Variants in HSPA4L observed in about 807,000 individuals in gnomAD.
HSPA4L encodes heat shock protein family A (Hsp70) member 4 like.
In HSPA4L, 48 loss-of-function variants were observed where a neutral mutation model predicts 100.3. The ratio of observed to expected loss-of-function variants is 0.48; its 90% confidence interval spans 0.38 to 0.61. HSPA4L has a LOEUF of 0.61. Ranked by LOEUF, HSPA4L falls within the 20% of genes least tolerant of loss-of-function variation. The pLI is 0.00. For synonymous variants in HSPA4L, 319 were observed against 328.2 expected, an observed-to-expected ratio of 0.97 and a Z score of 0.30; for missense variants, 886 against 988.6, an observed-to-expected ratio of 0.90 and a Z score of 1.39.
intron 1 of HSPA4L, among the ~76,000 whole-genome samples, chr4:127,787,256 G>C (rs969845759): frequency 5.3e-5 from 8 of 152,168 alleles, no homozygotes; most frequent in Non-Finnish European, 1.0e-4. Context: ...AAATCGGGGG[G>C]TTAACTGTGG....
Position 127,788,801 on chromosome 4 carries a change from A to C in HSPA4L, c.108-5276A>C, listed in dbSNP as rs1456073935. 2.0e-5 allele frequency among the ~76,000 whole-genome samples: 3 copies of C among 152,216 alleles called. No homozygotes were observed. The East Asian group carries it at 5.8e-4, about 29-fold the overall frequency. ...CAGTACAGCCCCAGTGACCCAACAA[A>C]GAATTATCTGGGCCAAGATGTCAGT... is the stretch of plus-strand genomic sequence containing the variant. On this transcript the variant is annotated intron_variant, in intron 1 of 18. Transcript: ENST00000296464.
chr4:127,782,730 T>A (rs1732599029), intron 1 of HSPA4L, 73 bp downstream of exon 1: 2 of 1,085,268 alleles, frequency 1.8e-6, no homozygotes, highest in Non-Finnish European at 2.6e-6. Context: ...GTTTGTCCTG[T>A]CTGCTCGCTT....
chr4:127,810,496 G>A (rs1733495606), intron 11 of HSPA4L, among the ~76,000 whole-genome samples: 1 of 152,164 alleles, frequency 6.6e-6, no homozygotes, highest in South Asian at 2.1e-4. Context: ...GGTGGCTCAT[G>A]CCTGTAATCC....
intron 17 of HSPA4L, among the ~76,000 whole-genome samples, chr4:127,828,210 G>A (rs768648590): frequency 8.5e-5 from 13 of 152,064 alleles, no homozygotes; most frequent in Non-Finnish European, 1.3e-4. Context: ...GGATTTAGCC[G>A]ATGGGACAAG....
chr4:127,803,259 T>A (rs1198416721), intron 6 of HSPA4L, among the ~76,000 whole-genome samples: 1 of 152,214 alleles, frequency 6.6e-6, no homozygotes, highest in Non-Finnish European at 1.5e-5. Flanking sequence ...GTTTTGCTCA[T>A]GTTTATATGC....
chr4:127,836,875 T>C lies in HSPA4L; in HGVS notation c.*4001T>C, dbSNP rs931042665. The C allele has an allele frequency of 4.6e-5, 7 of 152,180 alleles. No individual in the cohort carries two copies. Among genetic ancestry groups the C allele is most frequent in the African/African-American group, 1.7e-4 (7 of 41,446 alleles). The allele number at this position is 152,180 out of a possible 1,614,324, so 9.4% of individuals were successfully genotyped here. On this transcript the variant is annotated 3_prime_UTR_variant, in exon 19 of 19. Coordinates refer to ENST00000296464, the MANE Select transcript of HSPA4L (RefSeq NM_014278.4). ...GTCATTGCATTAATTTTACAAATTA[T>C]AGATTTAGAAATGATTCTTAAGTTA... is the stretch of plus-strand genomic sequence containing the variant.
At chr4:127,825,737 T>C (rs995507937) in intron 16 of HSPA4L, among the ~76,000 whole-genome samples, 1 of 151,776 alleles carries the variant, frequency 6.6e-6, no homozygotes. Flanking sequence ...CCAGCCTGGC[T>C]AACATGGTGA....
intron 12 of HSPA4L, among the ~76,000 whole-genome samples, chr4:127,815,003 T>C (rs913748460): frequency 1.3e-5 from 2 of 152,208 alleles, no homozygotes; most frequent in African/African-American, 4.8e-5. Flanking sequence ...TGGAAGCTAA[T>C]TGTTTAAATT....
rs1167818471 is a variant in HSPA4L, at chr4:127,834,532, T to C, written c.*1658T>C. ...GCATTAAAAAATCATATAAACTTAA[T>C]ATATTTTTAAACTCTCCTAGTCTTT... On this transcript the variant is annotated 3_prime_UTR_variant, in exon 19 of 19. Transcript: ENST00000296464. The C allele has an allele frequency of 6.6e-6, 1 of 152,172 alleles. No individual in the cohort carries two copies. The highest frequency in any genetic ancestry group is 1.5e-5 in the Non-Finnish European group (1 of 68,006). The allele number at this position is 152,172 out of a possible 1,614,324, so 9.4% of individuals were successfully genotyped here. A position where few individuals can be genotyped will look rare whatever the true frequency, so the allele number is the denominator to read the frequency against.
At chr4:127,809,330 G>C in intron 11 of HSPA4L, 8 of 1,157,982 alleles carry the variant, frequency 6.9e-6, no homozygotes, top group Non-Finnish European at 1.0e-5. Context: ...AGGACTTCTG[G>C]GATCACGCTG....
intron 12 of HSPA4L, among the ~76,000 whole-genome samples, chr4:127,814,438 C>A (rs1267572459): frequency 1.3e-5 from 2 of 151,780 alleles, no homozygotes; most frequent in Non-Finnish European, 1.5e-5. Context: ...AGCCACCATG[C>A]CCAGCCTAAA....
At chr4:127,796,943 TA>T (rs889067620) in intron 3 of HSPA4L, among the ~76,000 whole-genome samples, 1 of 152,204 alleles carries the variant, frequency 6.6e-6, no homozygotes, top group African/African-American at 2.4e-5. Context: ...AGGATAAACT[TA>T]ATGCTGTGCA....
intron 8 of HSPA4L, 127 bp from the exon 9 acceptor site, chr4:127,804,946 G>A (rs1279916429): frequency 2.4e-5 from 14 of 588,072 alleles, no homozygotes; most frequent in South Asian, 1.9e-4. Context: ...TCTAAAAATT[G>A]TATTTTTCTT....
In HSPA4L at chr4:127,786,678, G is replaced by T. The variant is rs138652659; in HGVS notation, c.107+4021G>T. On this transcript the variant is annotated intron_variant, in intron 1 of 18. Transcript: ENST00000296464. ...GACAAGGTCTTGCCATATTGCCTAG[G>T]CTAGTCTCGAACTCCTGGCCTCAAG... 5.8e-4 allele frequency among the ~76,000 whole-genome samples: 89 copies of T among 152,254 alleles called. 1 individual carries two copies. The East Asian group carries it at 0.014, about 24-fold the overall frequency.
intron 5 of HSPA4L, among the ~76,000 whole-genome samples, chr4:127,801,579 C>G (rs1435465233): frequency 1.3e-5 from 2 of 150,942 alleles, no homozygotes; most frequent in Non-Finnish European, 2.9e-5. Context: ...AATGGCTTTA[C>G]AAATCTTTAC....
At chr4:127,831,517 A>G (rs1056202087) in intron 18 of HSPA4L, among the ~76,000 whole-genome samples, 3 of 151,514 alleles carry the variant, frequency 2.0e-5, no homozygotes, top group African/African-American at 7.3e-5. Flanking sequence ...AAAAAAAAAA[A>G]AAAAAAGGAA....
intron 18 of HSPA4L, among the ~76,000 whole-genome samples, chr4:127,831,962 AATGAG>A (rs1211254007): frequency 1.3e-5 from 2 of 152,112 alleles, no homozygotes; most frequent in South Asian, 2.1e-4. Context: ...TTTTACTCCT[AATGAG>A]ATGAGATGAG....
Position 127,840,544 on chromosome 4 carries a change from C to CACAA in HSPA4L, c.*7674_*7677dup, listed in dbSNP as rs1016034799. The CACAA allele has an allele frequency of 1.3e-5, 2 of 152,138 alleles. No homozygotes were observed. The highest frequency in any genetic ancestry group is 2.9e-5 in the Non-Finnish European group (2 of 68,022). 9.4% of individuals were successfully genotyped at this position (152,138 alleles called of 1,614,324 possible). A position where few individuals can be genotyped will look rare whatever the true frequency, so the allele number is the denominator to read the frequency against. On this transcript the variant is annotated 3_prime_UTR_variant, in exon 19 of 19. Coordinates refer to ENST00000296464, the MANE Select transcript of HSPA4L (RefSeq NM_014278.4). ...GAATATGTATTTGTCAATTTTAGTT[C>CACAA]ACAAACATATCCATAAGAATGTTTA...
In HSPA4L at chr4:127,807,718, C is replaced by A. The variant is rs961071569; in HGVS notation, c.1245-278C>A. Among the ~76,000 whole-genome samples the A allele has an allele frequency of 1.2e-4, 19 of 152,096 alleles. No individual in the cohort carries two copies. The East Asian group carries it at 2.3e-3, about 19-fold the overall frequency. On this transcript the variant is annotated intron_variant, in intron 10 of 18. Coordinates refer to ENST00000296464, the MANE Select transcript of HSPA4L (RefSeq NM_014278.4). ...GGCCCTCATATGTGAGGGAAAAAAA[C>A]CATACACATTGGCCTTAAAATATAC...
Sources: gnomAD v4.1 joint callset for allele counts (sites outside exome capture counted in the v4.1 genomes callset) on GRCh38, gnomAD v4.1.1 for gene constraint, MANE v1.5 for transcripts, NCBI Gene and HGNC (gene_info 2026-07-23, HGNC 2026-07-21) for gene names.